The following CFAP44 variants were observed in gnomAD, a reference collection of about 807,000 sequenced individuals.
The protein encoded by CFAP44 is cilia and flagella associated protein 44, also known as cilia- and flagella-associated protein 44.
CFAP44 carries 134 observed loss-of-function variants against 216.2 expected under a neutral mutation model. That is an observed-to-expected ratio of 0.62 (90% CI 0.54 to 0.72). The LOEUF (loss-of-function observed/expected upper bound fraction) is 0.72. Ranked by LOEUF, CFAP44 falls within the 30% of genes least tolerant of loss-of-function variation. The pLI, the probability that CFAP44 is intolerant of heterozygous loss-of-function variation, is 0.00. For missense variants in CFAP44, 2,035 were observed against 2,182.1 expected, an observed-to-expected ratio of 0.93 and a Z score of 1.34; for synonymous variants, 700 against 727.6, an observed-to-expected ratio of 0.96 and a Z score of 0.61.
chr3:113,381,511 G>A lies in CFAP44; in HGVS notation c.1891-451C>T, dbSNP rs1017882146. Among the ~76,000 whole-genome samples, 7 of 152,252 alleles carry A rather than the reference G, an allele frequency of 4.6e-5. 1 individual carries two copies. The South Asian group carries it at 1.0e-3, about 23-fold the overall frequency. ...CTCTATCTGTCTCAGTTTAACAAAC[G>A]TGGATGTTCCCAAGGTTTTTGTCCT... On this transcript the variant is annotated intron_variant, in intron 15 of 34. Transcript: ENST00000393845.
chr3:113,385,597 G>A (rs13325046), intron 15 of CFAP44, among the ~76,000 whole-genome samples: 22,987 of 151,870 alleles, frequency 0.15, 1,772 homozygotes, highest in Middle Eastern at 0.21. Flanking sequence ...CATCTGTTAG[G>A]GCTATTTGGC....
At chr3:113,407,108 C>A (rs924583794) in intron 7 of CFAP44, 67 bp from the exon 8 acceptor site, 25 of 1,132,824 alleles carry the variant, frequency 2.2e-5, no homozygotes, top group Admixed American at 3.5e-5. Flanking sequence ...TAATATGACC[C>A]AAACATTTAC....
chr3:113,296,028 G>A (rs957018746), intron 33 of CFAP44, among the ~76,000 whole-genome samples: 3 of 152,164 alleles, frequency 2.0e-5, no homozygotes, highest in Non-Finnish European at 2.9e-5. Context: ...TACCTAGTAG[G>A]TAATTTTTCA....
chr3:113,350,043 G>C (rs1004884521), intron 22 of CFAP44, among the ~76,000 whole-genome samples: 1 of 152,200 alleles, frequency 6.6e-6, no homozygotes, highest in African/African-American at 2.4e-5. Flanking sequence ...AGGAAACCAT[G>C]GAGTTATTGC....
chr3:113,401,897 G>A (rs557492401), intron 9 of CFAP44, among the ~76,000 whole-genome samples, 158 bp from the exon 10 acceptor site: 9 of 151,890 alleles, frequency 5.9e-5, no homozygotes, highest in African/African-American at 1.9e-4. Context: ...GCCAAAACCT[G>A]ACCCCTGAAA....
chr3:113,370,892 C>A (rs541002896), intron 18 of CFAP44, among the ~76,000 whole-genome samples: 1 of 151,856 alleles, frequency 6.6e-6, no homozygotes, highest in South Asian at 2.1e-4. Flanking sequence ...TCTCAGGATA[C>A]AAAATCAATG....
intron 15 of CFAP44, among the ~76,000 whole-genome samples, chr3:113,394,256 T>C (rs1214839608): frequency 6.6e-6 from 1 of 152,150 alleles, no homozygotes; most frequent in Non-Finnish European, 1.5e-5. Flanking sequence ...GACACAAAAC[T>C]ATACCATCAC....
chr3:113,359,848 C>G (rs2107309575), intron 21 of CFAP44, among the ~76,000 whole-genome samples: 2 of 152,138 alleles, frequency 1.3e-5, no homozygotes, highest in South Asian at 4.2e-4. Context: ...AGGTAGAATA[C>G]AAAATTGGCT....
At chr3:113,410,991 G>A (rs1304893948) in intron 6 of CFAP44, among the ~76,000 whole-genome samples, 1 of 151,868 alleles carries the variant, frequency 6.6e-6, no homozygotes, top group Non-Finnish European at 1.5e-5. Flanking sequence ...CTTTTTGATG[G>A]GGTTGTTTTT....
At chr3:113,432,291 A>C (rs993503261) in intron 2 of CFAP44, 12 of 152,230 alleles carry the variant, frequency 7.9e-5, no homozygotes, top group Non-Finnish European at 1.5e-4. Flanking sequence ...GGAGTTGAAC[A>C]AGTAAACCAT....
At chr3:113,353,219 C>T (rs1158390331) in intron 22 of CFAP44, among the ~76,000 whole-genome samples, 3 of 152,164 alleles carry the variant, frequency 2.0e-5, no homozygotes, top group East Asian at 3.9e-4. Flanking sequence ...TCTCACAAAA[C>T]GTTGCCTGCT....
At chr3:113,381,081 A>G in intron 15 of CFAP44, 21 bp from the exon 16 acceptor site, 4 of 1,526,738 alleles carry the variant, frequency 2.6e-6, no homozygotes, top group South Asian at 1.3e-5. Context: ...AAAATTGAAC[A>G]TATTTACATT....
intron 32 of CFAP44, among the ~76,000 whole-genome samples, chr3:113,297,170 G>A (rs921435193): frequency 5.9e-5 from 9 of 151,938 alleles, no homozygotes; most frequent in African/African-American, 2.2e-4. Flanking sequence ...GCACCAACTA[G>A]ATTATGAGCT....
At chr3:113,418,750 G>C (rs530234612) in intron 5 of CFAP44, among the ~76,000 whole-genome samples, 48 of 152,050 alleles carry the variant, frequency 3.2e-4, no homozygotes, top group African/African-American at 1.1e-3. Context: ...CTGTCGCCCA[G>C]GCTGAAGTGC....
Position 113,420,184 on chromosome 3 carries a change from G to C in CFAP44, c.408-5C>G. The C allele has an allele frequency of 6.2e-7, 1 of 1,604,894 alleles. No individual in the cohort carries two copies. Among genetic ancestry groups the C allele is most frequent in the Non-Finnish European group, 8.5e-7 (1 of 1,175,448 alleles). On this transcript the variant is annotated splice_polypyrimidine_tract_variant and splice_region_variant and intron_variant, in intron 4 of 34. Coordinates refer to ENST00000393845, the MANE Select transcript of CFAP44 (RefSeq NM_001164496.2). ...CAGTCATAACCAAAAGAATGTCTGA[G>C]GGAAAGTTGCTAAGGAAAAGAAGTG...
chr3:113,422,618 C>G (rs1576604630), intron 4 of CFAP44, among the ~76,000 whole-genome samples: 1 of 152,164 alleles, frequency 6.6e-6, no homozygotes, highest in South Asian at 2.1e-4. Flanking sequence ...TGAAGCTATT[C>G]AAGCCTCCTG....
At chr3:113,411,042 T>C (rs1934452712) in intron 6 of CFAP44, among the ~76,000 whole-genome samples, 1 of 152,244 alleles carries the variant, frequency 6.6e-6, no homozygotes, top group African/African-American at 2.4e-5. Context: ...ATTCTGGATA[T>C]TAGCCCTTTG....
intron 33 of CFAP44, among the ~76,000 whole-genome samples, chr3:113,295,115 C>T (rs1949868465): frequency 6.6e-6 from 1 of 152,220 alleles, no homozygotes; most frequent in Non-Finnish European, 1.5e-5. Context: ...GTACTCATTA[C>T]TTAAAAGGAA....
intron 24 of CFAP44, among the ~76,000 whole-genome samples, chr3:113,334,276 C>A (rs1356772455): frequency 6.6e-6 from 1 of 152,126 alleles, no homozygotes; most frequent in Non-Finnish European, 1.5e-5. Context: ...TGCATAAGTG[C>A]TTGCTGTAAA....
Sources: gnomAD v4.1 joint callset for allele counts (sites outside exome capture counted in the v4.1 genomes callset) on GRCh38, gnomAD v4.1.1 for gene constraint, MANE v1.5 for transcripts, NCBI Gene and HGNC (gene_info 2026-07-23, HGNC 2026-07-21) for gene names.